The following HOOK2 variants were observed in gnomAD, a reference collection of about 807,000 sequenced individuals.
HOOK2 encodes protein Hook homolog 2.
In HOOK2, 108 loss-of-function variants were observed where a neutral mutation model predicts 111.9. The observed-to-expected ratio is 0.96, with a 90% CI of 0.83 to 1.13. The LOEUF is 1.13. HOOK2 is among the 50% of genes most tolerant of loss of function. HOOK2 has a pLI of 0.00. For synonymous variants in HOOK2, 405 were observed against 394.3 expected (o/e 1.03, Z -0.32); for missense variants, 978 against 951.3 (o/e 1.03, Z -0.37).
In HOOK2 at chr19:12,771,612, G is replaced by C. The variant is rs561780400; in HGVS notation, c.520-135C>G. 4.0e-6 allele frequency: 3 copies of C among 747,804 alleles called. No individual in the cohort carries two copies. In the African/African-American group the frequency reaches 5.2e-5, roughly 13 times the overall value. 46.3% of individuals were successfully genotyped at this position (747,804 alleles called of 1,614,324 possible). A position where few individuals can be genotyped will look rare whatever the true frequency, so the allele number is the denominator to read the frequency against. Reference sequence around the variant, plus strand: ...GAAAAGAGGGCTGGCGCCGGGTGCAGTGGCTCGCGCCTATAATCCCAGCAC... The same window carrying C: ...GAAAAGAGGGCTGGCGCCGGGTGCACTGGCTCGCGCCTATAATCCCAGCAC... On this transcript the variant is annotated intron_variant, in intron 7 of 22. Transcript: ENST00000397668.
chr19:12,771,993 A>T (rs1968350993), intron 7 of HOOK2, 197 bp downstream of exon 7: 1 of 601,024 alleles, frequency 1.7e-6, no homozygotes. Context: ...AGTGGCTAGC[A>T]CCCTGGAAGA....
intron 3 of HOOK2, chr19:12,784,926 C>G (rs1201411047): frequency 6.6e-6 from 1 of 152,306 alleles, no homozygotes; most frequent in African/African-American, 2.4e-5. Flanking sequence ...ATCAGAGATG[C>G]TCCCAGGGAC....
upstream of HOOK2, chr19:12,775,656 C>G: frequency 2.3e-6 from 1 of 434,970 alleles, no homozygotes; most frequent in South Asian, 7.0e-5. Flanking sequence ...GCTCTTGCCT[C>G]CAGCCCCGCC....
chr19:12,770,486 T>C (rs1382054675), intron 10 of HOOK2, among the ~76,000 whole-genome samples: 1 of 151,736 alleles, frequency 6.6e-6, no homozygotes, highest in Non-Finnish European at 1.5e-5. Flanking sequence ...AGAGATGCTA[T>C]AGGGGCCCAG....
chr19:12,767,478 GAA>G lies in HOOK2; in HGVS notation c.1304-16_1304-15del, dbSNP rs545732278. Reference sequence around the variant, plus strand: ...CCAGTGAGGGATCTGAAGAATGCGAGAAAAGTCTTCAGGTCTCTTCGCATCCC... The same window carrying G: ...CCAGTGAGGGATCTGAAGAATGCGAGAAGTCTTCAGGTCTCTTCGCATCCC... On this transcript the variant is annotated splice_polypyrimidine_tract_variant and intron_variant, in intron 13 of 22. Transcript: ENST00000397668. 603 of 1,610,324 alleles carry G rather than the reference GAA, an allele frequency of 3.7e-4. 4 individuals carry two copies. The African/African-American group carries it at 7.3e-3, about 20-fold the overall frequency.
In HOOK2 at chr19:12,768,079, G is replaced by A. The variant is rs769579474; in HGVS notation, c.1149C>T (p.Ala383=). The A allele has an allele frequency of 9.9e-6, 16 of 1,614,074 alleles. No individual in the cohort carries two copies. Among genetic ancestry groups the A allele is most frequent in the East Asian group, 2.2e-5 (1 of 44,898 alleles). ...TGCGGCATTCAAATAGCCATTTCTC[G>A]GCCTTCATGGCCTCCTCCTGCCGCT... ...QGQRQEEAMK[A]EKWLFECRNL... The change falls in exon 12 of 23, where the codon GCC becomes GCT. Residue 383 remains alanine, a synonymous_variant. Coordinates refer to ENST00000397668, the MANE Select transcript of HOOK2 (RefSeq NM_013312.3).
intron 11 of HOOK2, among the ~76,000 whole-genome samples, chr19:12,768,639 A>AT (rs1968225732): frequency 6.6e-6 from 1 of 151,540 alleles, no homozygotes; most frequent in African/African-American, 2.4e-5. Context: ...AAAATTTAAA[A>AT]ATTTTTATTT....
intron 19 of HOOK2, 24 bp downstream of exon 19, chr19:12,764,975 C>T (rs1968105639): frequency 6.2e-7 from 1 of 1,614,148 alleles, no homozygotes; most frequent in African/African-American, 1.3e-5. Flanking sequence ...TCTCCCCACC[C>T]TCTGGTCACT....
In HOOK2 at chr19:12,763,346, T is replaced by C. The variant is rs1224560791; in HGVS notation, c.2096A>G (p.Asn699Ser). Residue 699 changes from asparagine (N) to serine (S), a missense_variant, in exon 23 of 23, where the codon AAT (asparagine) becomes AGT (serine). Transcript: ENST00000397668. ...SFLAQQRLAT[N>S]SRRGPLGRLA... ...GCGTCCCAAGGGTCCACGGCGAGAATTGGTTGCCAGCCGCTGCTGTGCCAG... is the reference window on the plus strand; with the variant it reads ...GCGTCCCAAGGGTCCACGGCGAGAACTGGTTGCCAGCCGCTGCTGTGCCAG... 2 of 1,614,150 alleles carry C rather than the reference T, an allele frequency of 1.2e-6. No homozygotes were observed. The highest frequency in any genetic ancestry group is 1.1e-5 in the South Asian group (1 of 91,078).
chr19:12,771,525 G>A lies in HOOK2; in HGVS notation c.520-48C>T, dbSNP rs374811664. On this transcript the variant is annotated intron_variant, in intron 7 of 22. Transcript: ENST00000397668. ...GAACTCAGGGATTCAGGAGAAGGAC[G>A]GGGGGAGGGAGGCTGAGATCTCTAG... The A allele has an allele frequency of 7.3e-6, 11 of 1,512,208 alleles. No individual in the cohort carries two copies. The African/African-American group carries it at 9.6e-5, about 13-fold the overall frequency. 93.7% of individuals were successfully genotyped at this position (1,512,208 alleles called of 1,614,324 possible).
chr19:12,781,325 T>A (rs1968599294), upstream of HOOK2, among the ~76,000 whole-genome samples: 2 of 149,576 alleles, frequency 1.3e-5, no homozygotes, highest in African/African-American at 4.9e-5. Context: ...ATAAAAAAAA[T>A]AAATAACGAA....
At chr19:12,773,213 G>A in intron 3 of HOOK2, 169 bp from the exon 4 acceptor site, 2 of 520,374 alleles carry the variant, frequency 3.8e-6, no homozygotes, top group Admixed American at 3.5e-5. Context: ...CCTTTTGTCT[G>A]CCTGACCATC....
chr19:12,767,411 G>A lies in HOOK2; in HGVS notation c.1357C>T (p.Leu453=), dbSNP rs1474478526. 4 of 1,613,792 alleles carry A rather than the reference G, an allele frequency of 2.5e-6. No individual in the cohort carries two copies. The highest frequency in any genetic ancestry group is 2.2e-5 in the South Asian group (2 of 91,080). The change falls in exon 14 of 23, where the codon CTG becomes TTG. Residue 453 remains leucine (L), a synonymous_variant. Coordinates refer to ENST00000397668, the MANE Select transcript of HOOK2 (RefSeq NM_013312.3). ...TPVDNLAAEI[L]PAELRETLLR... ...CCAGGATACCTGAGCTCCGCAGGCAGGATCTCTGCGGCTAAGTTATCCACG... is the reference window on the plus strand; with the variant it reads ...CCAGGATACCTGAGCTCCGCAGGCAAGATCTCTGCGGCTAAGTTATCCACG...
Position 12,791,592 on chromosome 19 carries a change from GGAA to G in HOOK2, n.42-17370_42-17368del, listed in dbSNP as rs1471966774. On this transcript the variant is annotated intron_variant and non_coding_transcript_variant, in intron 3 of 3. Transcript: ENST00000589765. This position sits in a 1 kb window ranked among gnomAD's most constrained non-coding sequence, Gnocchi z 7.0. ...CGCCAGAGAGGGCGACGGGGGCTCG[GGAA>G]GCCTGACAGGGCTTTTGCGCACAGC... 7 of 520,624 alleles carry G rather than the reference GGAA, an allele frequency of 1.3e-5. No homozygotes were observed. Among genetic ancestry groups the G allele is most frequent in the Non-Finnish European group, 2.0e-5 (6 of 299,250 alleles). 32.3% of individuals were successfully genotyped at this position (520,624 alleles called of 1,614,324 possible). A position where few individuals can be genotyped will look rare whatever the true frequency, so the allele number is the denominator to read the frequency against.
intron 14 of HOOK2, chr19:12,766,481 T>C (rs1370956474): frequency 2.0e-6 from 1 of 489,682 alleles, no homozygotes; most frequent in Non-Finnish European, 3.6e-6. Context: ...AAGAGTGGAT[T>C]CGAACAGCTG....
chr19:12,769,858 C>A, intron 11 of HOOK2, 23 bp downstream of exon 11: 2 of 1,406,206 alleles, frequency 1.4e-6, no homozygotes, highest in Non-Finnish European at 1.8e-6. Flanking sequence ...GGGGCCCCGG[C>A]CCTAACCCCG....
upstream of HOOK2, among the ~76,000 whole-genome samples, chr19:12,777,818 C>G (rs3848589): frequency 0.2 from 30,704 of 152,190 alleles, 6,808 homozygotes; most frequent in African/African-American, 0.55. Flanking sequence ...GGCGGTGGAG[C>G]GGGGGTCAAT....
At position 12,772,244 on chromosome 19, in the gene HOOK2, G is replaced by A; in HGVS notation, c.465C>T (p.Thr155=). Residue 155 remains threonine, a synonymous_variant, in exon 7 of 23, where the codon ACC becomes ACT. Transcript: ENST00000397668. Reference sequence around the variant, plus strand: ...GTGACAGGGAGTCAGGAGTGTCTTTGGTCATGAGCTGAGGAGTGGGAAGGG... The same window carrying A: ...GTGACAGGGAGTCAGGAGTGTCTTTAGTCATGAGCTGAGGAGTGGGAAGGG... ...VVMEAIQELM[T]KDTPDSLSPE... 1 of 1,614,024 alleles carries A rather than the reference G, an allele frequency of 6.2e-7. No individual in the cohort carries two copies. The highest frequency in any genetic ancestry group is 2.2e-5 in the East Asian group (1 of 44,884).
chr19:12,788,561 G>T (rs1968676706), intron 3 of HOOK2, among the ~76,000 whole-genome samples: 1 of 151,464 alleles, frequency 6.6e-6, no homozygotes, highest in African/African-American at 2.4e-5. Flanking sequence ...CCTCCTCCTG[G>T]GATGGACTCT....
Sources: gnomAD v4.1 joint callset for allele counts (sites outside exome capture counted in the v4.1 genomes callset) on GRCh38, gnomAD v4.1.1 for gene constraint, Gnocchi (gnomAD v3.1) non-coding constraint, MANE v1.5 for transcripts, NCBI Gene and HGNC (gene_info 2026-07-23, HGNC 2026-07-21) for gene names.